The following SNAPC3 variants were observed in gnomAD, a reference collection of about 807,000 sequenced individuals.
The protein encoded by SNAPC3 is snRNA-activating protein complex subunit 3.
Under a neutral mutation model 47.7 loss-of-function variants are expected in SNAPC3, and 56 were observed. The ratio of observed to expected loss-of-function variants is 1.18; its 90% CI spans 0.95 to 1.47. The LOEUF (loss-of-function observed/expected upper bound fraction) is 1.47, where lower values mean the gene tolerates loss of function less well. SNAPC3 is among the 40% of genes most tolerant of loss of function. SNAPC3 has a pLI of 0.00. For synonymous variants in SNAPC3, 235 were observed against 189.9 expected (o/e 1.24, Z -1.95); for missense variants, 665 against 511.3 (o/e 1.30, Z -2.90).
downstream of SNAPC3, chr9:15,464,166 GATA>G (rs2035450897): frequency 5.4e-6 from 1 of 186,754 alleles, no homozygotes; most frequent in Non-Finnish European, 1.1e-5. Context: ...GGACCAAACA[GATA>G]ATGACTGGTA....
At chr9:15,426,334 C>G (rs1177773525) in intron 2 of SNAPC3, among the ~76,000 whole-genome samples, 1 of 152,212 alleles carries the variant, frequency 6.6e-6, no homozygotes, top group Non-Finnish European at 1.5e-5. Context: ...GGACTACGGA[C>G]TCCATTTAGG....
chr9:15,426,935 G>T (rs979962909), intron 2 of SNAPC3, among the ~76,000 whole-genome samples: 2 of 152,136 alleles, frequency 1.3e-5, no homozygotes, highest in African/African-American at 4.8e-5. Flanking sequence ...AAAAAAATTA[G>T]ACTTGTGGCA....
downstream of SNAPC3, chr9:15,463,215 CTTTTTTTTTTTTT>C (rs142971475): frequency 3.8e-5 from 2 of 52,164 alleles, no homozygotes; most frequent in Admixed American, 3.0e-4. Context: ...TGGTATGACT[CTTTTTTTTTTTTT>C]TTTTTTTTTT....
chr9:15,464,117 C>T (rs1389385823), downstream of SNAPC3: 2 of 181,154 alleles, frequency 1.1e-5, no homozygotes, highest in Admixed American at 6.3e-5. Flanking sequence ...GAACTTATGG[C>T]TTAACTAGAA....
At chr9:15,430,405 C>G (rs930565125) in intron 2 of SNAPC3, among the ~76,000 whole-genome samples, 1 of 151,974 alleles carries the variant, frequency 6.6e-6, no homozygotes, top group African/African-American at 2.4e-5. Flanking sequence ...CCACTCCAGC[C>G]TGGGCAACAG....
downstream of SNAPC3, chr9:15,465,910 C>G: frequency 9.0e-6 from 2 of 222,042 alleles, no homozygotes; most frequent in Non-Finnish European, 1.7e-5. Flanking sequence ...ATCTGTGATA[C>G]CAACATATTT....
intron 3 of SNAPC3, among the ~76,000 whole-genome samples, chr9:15,441,943 G>A (rs2033429525): frequency 6.6e-6 from 1 of 152,088 alleles, no homozygotes; most frequent in Non-Finnish European, 1.5e-5. Context: ...CCGGGCAGAG[G>A]AGCTCCTCAC....
chr9:15,435,558 A>G (rs1041926036), intron 3 of SNAPC3, among the ~76,000 whole-genome samples: 1 of 150,878 alleles, frequency 6.6e-6, no homozygotes, highest in African/African-American at 2.4e-5. Flanking sequence ...GAGCAACAGA[A>G]TGAGACTCTG....
Position 15,444,619 on chromosome 9 carries a change from A to T in SNAPC3, c.495A>T (p.Gly165=). Residue 165 remains glycine (G), a synonymous_variant, in exon 4 of 9, where the codon GGA becomes GGT. Coordinates refer to ENST00000380821, the MANE Select transcript of SNAPC3 (RefSeq NM_001039697.2). ...TTCTTCAGGAGTCACATGCCATAGG[A>T]AAAAAGCCTGAAAATTCAGCAGACA... ...FVYEMESHAI[G]KKPENSADMI... 1 of 1,609,154 alleles carries T rather than the reference A, an allele frequency of 6.2e-7. No homozygotes were observed. Among genetic ancestry groups the T allele is most frequent in the Non-Finnish European group, 8.5e-7 (1 of 1,175,826 alleles).
chr9:15,446,687 A>G (rs1289190851), intron 4 of SNAPC3, among the ~76,000 whole-genome samples: 2 of 152,186 alleles, frequency 1.3e-5, no homozygotes, highest in Non-Finnish European at 2.9e-5. Flanking sequence ...CATAGACCAC[A>G]GTTTTTATTG....
rs901347101 is a variant in SNAPC3 at position 15,422,883 on chromosome 9, G to C, written c.4G>C (p.Ala2Pro). The change falls in exon 1 of 9, where the codon GCT becomes CCT. Residue 2 changes from alanine to proline, a missense_variant. Coordinates refer to ENST00000380821, the MANE Select transcript of SNAPC3 (RefSeq NM_001039697.2). MAEGSRGGPTCS... is the reference protein window; with the variant it reads MPEGSRGGPTCS... ...CAGGGGAAGGAGTGGGGCGAACATG[G>C]CTGAAGGAAGCCGAGGTGGCCCTAC... 1 of 1,535,974 alleles carries C rather than the reference G, an allele frequency of 6.5e-7. No homozygotes were observed. Among genetic ancestry groups the C allele is most frequent in the South Asian group, 1.2e-5 (1 of 82,978 alleles).
At chr9:15,423,868 C>G in intron 1 of SNAPC3, 41 bp from the exon 2 acceptor site, 1 of 1,172,676 alleles carries the variant, frequency 8.5e-7, no homozygotes, top group Non-Finnish European at 1.2e-6. Context: ...GAACCAGATG[C>G]AGAGTCGACC....
chr9:15,441,707 TG>T (rs909205766), intron 3 of SNAPC3, among the ~76,000 whole-genome samples: 110 of 152,242 alleles, frequency 7.2e-4, no homozygotes, highest in African/African-American at 2.4e-3. Context: ...AGCAGGGGGT[TG>T]GGGGTAAGGT....
intron 4 of SNAPC3, among the ~76,000 whole-genome samples, chr9:15,445,671 G>A (rs2033870626): frequency 6.6e-6 from 1 of 152,060 alleles, no homozygotes; most frequent in Non-Finnish European, 1.5e-5. Context: ...TTGCTGGCTG[G>A]GTGTAATGGC....
Position 15,453,159 on chromosome 9 carries a change from T to G in SNAPC3, c.934T>G (p.Cys312Gly). The change falls in exon 7 of 9, where the codon TGT becomes GGT. Residue 312 changes from cysteine to glycine, a missense_variant. By Grantham distance (159) the Cys-to-Gly change is radical (BLOSUM62 -3). Coordinates refer to ENST00000380821, the MANE Select transcript of SNAPC3 (RefSeq NM_001039697.2). Reference sequence around the variant, plus strand: ...TAAACTGGGTTTTCCTTACTTATACTGTCATCAGGGAGACTGTGAACATGT... The same window carrying G: ...TAAACTGGGTTTTCCTTACTTATACGGTCATCAGGGAGACTGTGAACATGT... ...CIKLGFPYLY[C>G]HQGDCEHVIV... 6.2e-7 allele frequency: 1 copy of G among 1,613,212 alleles called. No individual in the cohort carries two copies. Among genetic ancestry groups the G allele is most frequent in the Non-Finnish European group, 8.5e-7 (1 of 1,179,194 alleles).
At chr9:15,435,279 T>C (rs1010443501) in intron 3 of SNAPC3, among the ~76,000 whole-genome samples, 4 of 152,160 alleles carry the variant, frequency 2.6e-5, no homozygotes, top group Non-Finnish European at 4.4e-5. Flanking sequence ...TGTTGAGTTA[T>C]AAAGAGTTCT....
Position 15,423,668 on chromosome 9 carries a change from T to C in SNAPC3, c.315-241T>C, listed in dbSNP as rs181592095. 1.1e-3 allele frequency among the ~76,000 whole-genome samples: 174 copies of C among 152,334 alleles called. 1 individual carries two copies. Among genetic ancestry groups the C allele is most frequent in the Admixed American group, 3.9e-3 (59 of 15,306 alleles). ...TTCTTAAAAGTGCCTTATTTGGGGA[T>C]GAAAATATAAAAATAACTTTAATCT... On this transcript the variant is annotated intron_variant, in intron 1 of 8. Coordinates refer to ENST00000380821, the MANE Select transcript of SNAPC3 (RefSeq NM_001039697.2).
At chr9:15,423,256 C>G in intron 1 of SNAPC3, 63 bp downstream of exon 1, 2 of 1,453,500 alleles carry the variant, frequency 1.4e-6, no homozygotes, top group Non-Finnish European at 1.8e-6. Flanking sequence ...CTTGCTCGTG[C>G]GCTCCTCTGG....
chr9:15,441,187 CT>C (rs35713286), intron 3 of SNAPC3, among the ~76,000 whole-genome samples: 3 of 146,406 alleles, frequency 2.0e-5, no homozygotes, highest in South Asian at 2.1e-4. Context: ...GCTGTAACGT[CT>C]TTTTTTTTTA....
Sources: allele counts gnomAD v4.1 joint callset (sites outside exome capture counted in the v4.1 genomes callset), GRCh38; gene constraint gnomAD v4.1.1; transcripts MANE v1.5; gene names NCBI Gene and HGNC (gene_info 2026-07-23, HGNC 2026-07-21).